Variants in C12orf42 observed in about 807,000 individuals in gnomAD.
C12orf42 encodes the protein chromosome 12 open reading frame 42, also known as uncharacterized protein C12orf42.
C12orf42 carries 25 observed loss-of-function variants against 21.6 expected under a neutral mutation model. That is an observed-to-expected ratio of 1.16 (90% CI 0.84 to 1.62). The LOEUF (loss-of-function observed/expected upper bound fraction) is 1.62, where lower values mean the gene tolerates loss of function less well. C12orf42 is among the 40% of genes most tolerant of loss of function. The pLI, the probability that C12orf42 is intolerant of heterozygous loss-of-function variation, is 0.00. For missense variants in C12orf42, 483 were observed against 459.3 expected, an observed-to-expected ratio of 1.05 and a Z score of -0.47; for synonymous variants, 174 against 175.0, an observed-to-expected ratio of 0.99 and a Z score of 0.05.
intron 2 of C12orf42, among the ~76,000 whole-genome samples, chr12:103,461,225 G>A (rs1366065835): frequency 3.3e-5 from 5 of 152,186 alleles, no homozygotes; most frequent in East Asian, 1.9e-4. Flanking sequence ...GCAAAAGACC[G>A]CTGGCAGTCT....
intron 2 of C12orf42, among the ~76,000 whole-genome samples, chr12:103,462,831 T>C (rs1952829459): frequency 6.6e-6 from 1 of 152,128 alleles, no homozygotes; most frequent in Non-Finnish European, 1.5e-5. Context: ...TGGAGAATAA[T>C]AATAATGCAT....
chr12:103,456,828 T>G (rs1014555115), intron 2 of C12orf42, among the ~76,000 whole-genome samples: 17 of 152,182 alleles, frequency 1.1e-4, no homozygotes, highest in African/African-American at 4.1e-4. Flanking sequence ...TCAAGGGTAT[T>G]TCTTATGTAT....
At chr12:103,067,129 G>A in the C12orf42 span, among the ~76,000 whole-genome samples, 1 of 152,188 alleles carries the variant, frequency 6.6e-6, no homozygotes, top group African/African-American at 2.4e-5. Context: ...CTGATGGCAG[G>A]TTGATTATAT....
intron 4 of C12orf42, among the ~76,000 whole-genome samples, chr12:103,294,300 A>G (rs968591781): frequency 6.6e-6 from 1 of 151,614 alleles, no homozygotes; most frequent in African/African-American, 2.4e-5. Flanking sequence ...TAGAGGAGGG[A>G]AAACACAGAG....
the C12orf42 span, among the ~76,000 whole-genome samples, chr12:103,162,136 C>G: frequency 6.6e-6 from 1 of 152,184 alleles, no homozygotes; most frequent in Non-Finnish European, 1.5e-5. Flanking sequence ...GATCCTCATT[C>G]TAAAATGTGA....
chr12:103,203,501 A>T, the C12orf42 span, among the ~76,000 whole-genome samples: 1 of 152,182 alleles, frequency 6.6e-6, no homozygotes, highest in Non-Finnish European at 1.5e-5. Flanking sequence ...TAATTACTTT[A>T]AAAAAATGTC....
intron 4 of C12orf42, among the ~76,000 whole-genome samples, chr12:103,312,023 A>G (rs2039019628): frequency 6.6e-6 from 1 of 152,184 alleles, no homozygotes. Flanking sequence ...GATGGTCCTC[A>G]TTTCAGAAAC....
chr12:103,114,105 C>A, the C12orf42 span, among the ~76,000 whole-genome samples: 1 of 151,992 alleles, frequency 6.6e-6, no homozygotes, highest in Non-Finnish European at 1.5e-5. Flanking sequence ...ACCTTTAATA[C>A]CGTGACTAGT....
the C12orf42 span, among the ~76,000 whole-genome samples, chr12:103,146,770 A>G: frequency 5.1e-4 from 78 of 152,334 alleles, no homozygotes; most frequent in African/African-American, 1.8e-3. Flanking sequence ...GTTATTTCGT[A>G]TATCTTTTTT....
intron 4 of C12orf42, among the ~76,000 whole-genome samples, chr12:103,290,470 T>G (rs974391710): frequency 6.6e-6 from 1 of 152,174 alleles, no homozygotes; most frequent in African/African-American, 2.4e-5. Context: ...TTGTTGGGCC[T>G]ATGCAAGGAC....
chr12:103,405,380 A>G (rs1593850827), intron 2 of C12orf42, among the ~76,000 whole-genome samples: 3 of 152,316 alleles, frequency 2.0e-5, no homozygotes, highest in Middle Eastern at 3.4e-3. Flanking sequence ...TGCTACAGAC[A>G]TGCTGTTTTT....
At chr12:103,219,019 G>GT in the C12orf42 span, among the ~76,000 whole-genome samples, 6 of 152,068 alleles carry the variant, frequency 3.9e-5, no homozygotes, top group South Asian at 2.1e-4. Context: ...AGCTGCAGGA[G>GT]TTTTTTTTCA....
At chr12:103,393,890 C>G (rs1350305022) in intron 3 of C12orf42, among the ~76,000 whole-genome samples, 2 of 152,166 alleles carry the variant, frequency 1.3e-5, no homozygotes, top group Non-Finnish European at 2.9e-5. Flanking sequence ...TGCTCTATGA[C>G]TCTAGGCAGA....
the C12orf42 span, among the ~76,000 whole-genome samples, chr12:103,155,795 A>C: frequency 6.6e-6 from 1 of 150,860 alleles, no homozygotes; most frequent in Non-Finnish European, 1.5e-5. Flanking sequence ...AATAGTACAT[A>C]TACATATACC....
At chr12:103,561,508 G>A in the C12orf42 span, among the ~76,000 whole-genome samples, 3 of 152,080 alleles carry the variant, frequency 2.0e-5, no homozygotes, top group African/African-American at 4.8e-5. Flanking sequence ...ACTCACTGAG[G>A]CCTTTTCTTA....
At chr12:103,508,972 C>T in the C12orf42 span, among the ~76,000 whole-genome samples, 4 of 152,254 alleles carry the variant, frequency 2.6e-5, no homozygotes, top group East Asian at 1.9e-4. Context: ...TGCTAACTCT[C>T]GCAAGAACTC....
chr12:103,531,059 CA>C, the C12orf42 span, among the ~76,000 whole-genome samples: 2 of 152,134 alleles, frequency 1.3e-5, no homozygotes, highest in Non-Finnish European at 2.9e-5. Flanking sequence ...ACATATTTCT[CA>C]AAGAAAAGGG....
intron 10 of C12orf42, among the ~76,000 whole-genome samples, chr12:103,239,093 G>T (rs1468947493): frequency 6.6e-6 from 1 of 152,094 alleles, no homozygotes; most frequent in Non-Finnish European, 1.5e-5. Context: ...CATATGGGGA[G>T]TTTTTGTAAG....
intron 1 of C12orf42, among the ~76,000 whole-genome samples, chr12:103,492,924 C>T (rs756880629): frequency 2.0e-5 from 3 of 152,220 alleles, no homozygotes; most frequent in Non-Finnish European, 4.4e-5. Context: ...CTTCACCCCA[C>T]GCAAGCAATC....
Sources: allele counts gnomAD v4.1 joint callset (sites outside exome capture counted in the v4.1 genomes callset), GRCh38; gene constraint gnomAD v4.1.1; transcripts MANE v1.5; gene names NCBI Gene and HGNC (gene_info 2026-07-23, HGNC 2026-07-21).